EPDR1: variants seen among roughly 807,000 people sequenced by gnomAD.
The protein encoded by EPDR1 is mammalian ependymin-related protein 1.
Under a neutral mutation model 23.7 loss-of-function variants are expected in EPDR1, and 27 were observed. That is an observed-to-expected ratio of 1.14 (90% confidence interval 0.84 to 1.57). The LOEUF (loss-of-function observed/expected upper bound fraction) is 1.57. Ranked by LOEUF, EPDR1 falls within the 40% of genes most tolerant of loss-of-function variation. The probability of loss-of-function intolerance (pLI) is 0.00; values close to 1 mark genes in which losing one functional copy is unlikely to be tolerated. For synonymous variants in EPDR1, 137 were observed against 118.2 expected (o/e 1.16, Z -1.03); for missense variants, 349 against 290.4 (o/e 1.20, Z -1.47).
intron 1 of EPDR1, among the ~76,000 whole-genome samples, chr7:37,929,672 G>T (rs186828887): frequency 1.3e-5 from 2 of 151,968 alleles, no homozygotes; most frequent in African/African-American, 2.4e-5. Context: ...TATATGTTAC[G>T]TTATACCTCT....
chr7:37,926,478 CAAAAA>C (rs55920283), intron 1 of EPDR1, among the ~76,000 whole-genome samples: 24 of 120,458 alleles, frequency 2.0e-4, no homozygotes, highest in Admixed American at 3.6e-4. Flanking sequence ...TTCTTCATAG[CAAAAA>C]AAAAAAAAAA....
chr7:37,945,282 C>G (rs6953908), intron 1 of EPDR1, among the ~76,000 whole-genome samples: 42,324 of 152,074 alleles, frequency 0.28, 6,078 homozygotes, highest in African/African-American at 0.36. Flanking sequence ...AAAATTAGCT[C>G]CATTTTTGAG....
At chr7:37,934,612 T>C (rs1444573088) in intron 1 of EPDR1, among the ~76,000 whole-genome samples, 1 of 152,232 alleles carries the variant, frequency 6.6e-6, no homozygotes, top group Admixed American at 6.5e-5. Context: ...TCCATATCCA[T>C]GGATTCCACC....
chr7:37,948,976 C>T lies in EPDR1; in HGVS notation c.406C>T (p.Gln136Ter). The change falls in exon 2 of 3, where the codon CAG becomes TAG. Residue 136 changes from glutamine (Q) to a stop codon, truncating the protein, a stop_gained. Transcript: ENST00000199448. LOFTEE classifies it high-confidence loss of function. ...TCCTCAAAACTCCACCTTTGAAGAC[C>T]AGTACTCCATCGGGGGGCCTCAGGA... ...DIPQNSTFED[Q>*]YSIGGPQEQI... is the part of the protein sequence containing the mutation. 6.2e-7 allele frequency: 1 copy of T among 1,614,122 alleles called. No individual in the cohort carries two copies. The highest frequency in any genetic ancestry group is 1.1e-5 in the South Asian group (1 of 91,074).
At chr7:37,945,164 C>T in intron 1 of EPDR1, among the ~76,000 whole-genome samples, 1 of 152,174 alleles carries the variant, frequency 6.6e-6, no homozygotes, top group East Asian at 1.9e-4. Flanking sequence ...AGTGCTTAGG[C>T]TCTATTGTGT....
rs565269055 is a variant in EPDR1 at position 37,920,838 on chromosome 7, C to T, written c.-102C>T. Reference sequence around the variant, plus strand: ...AGCACTTTGGTCCAGACCACACTCCCGGCACAGTGCGGAAAGAGCCGGCGG... The same window carrying T: ...AGCACTTTGGTCCAGACCACACTCCTGGCACAGTGCGGAAAGAGCCGGCGG... On this transcript the variant is annotated 5_prime_UTR_variant, in exon 1 of 3. Coordinates refer to ENST00000199448, the MANE Select transcript of EPDR1 (RefSeq NM_017549.5). The T allele has an allele frequency of 3.9e-5, 62 of 1,610,388 alleles. No homozygotes were observed. The Middle Eastern group carries it at 6.6e-4, about 17-fold the overall frequency.
In EPDR1 at chr7:37,935,993, CATATATATATATATATATAT is replaced by C. The variant is rs752536687; in HGVS notation, c.270-12819_270-12800del. 2.5e-3 allele frequency among the ~76,000 whole-genome samples: 115 copies of C among 45,588 alleles called. 6 individuals are homozygous for C. Among genetic ancestry groups the C allele is most frequent in the African/African-American group, 6.7e-3 (94 of 14,112 alleles). The allele number at this position is 45,588 out of a possible 152,430, so 29.9% of individuals were successfully genotyped here. A position where few individuals can be genotyped will look rare whatever the true frequency, so the allele number is the denominator to read the frequency against. ...TGATTTGGGAACTAGCAAATCATGG[CATATATATATATATATATAT>C]ATATATATATATATATATATATATA... On this transcript the variant is annotated intron_variant, in intron 1 of 2. Transcript: ENST00000199448.
intron 1 of EPDR1, among the ~76,000 whole-genome samples, chr7:37,944,377 G>A (rs528764323): frequency 1.4e-3 from 216 of 152,284 alleles, no homozygotes; most frequent in African/African-American, 4.7e-3. Context: ...GAATCTCATT[G>A]TCTCCTCTCT....
intron 1 of EPDR1, among the ~76,000 whole-genome samples, chr7:37,933,160 A>G (rs530965528): frequency 4.7e-4 from 71 of 152,372 alleles, no homozygotes; most frequent in Admixed American, 7.2e-4. Context: ...CAAACTTAGT[A>G]TACGCCAGCA....
chr7:37,924,687 G>C (rs1785781778), intron 1 of EPDR1, among the ~76,000 whole-genome samples: 2 of 152,330 alleles, frequency 1.3e-5, no homozygotes, highest in African/African-American at 4.8e-5. Flanking sequence ...TTCTTGGCAA[G>C]GTTCTTTCTG....
At chr7:37,926,204 T>C (rs1199193747) in intron 1 of EPDR1, among the ~76,000 whole-genome samples, 2 of 152,214 alleles carry the variant, frequency 1.3e-5, no homozygotes, top group Non-Finnish European at 2.9e-5. Context: ...ATACATAATT[T>C]TGTTTTATTT....
chr7:37,921,247 G>A lies in EPDR1; in HGVS notation c.269+39G>A, dbSNP rs957874710. On this transcript the variant is annotated intron_variant, in intron 1 of 2. Transcript: ENST00000199448. The stretch of plus-strand genomic sequence containing the variant: ...GCCCGCGGGGCGGGAGTAGGGAGCC[G>A]CGCGGGCATGGGGAGGGCGAGGTCG... 1.6e-5 allele frequency: 25 copies of A among 1,549,272 alleles called. No homozygotes were observed. The East Asian group carries it at 5.9e-4, about 37-fold the overall frequency.
At chr7:37,930,019 C>T (rs1012580580) in intron 1 of EPDR1, among the ~76,000 whole-genome samples, 1 of 152,134 alleles carries the variant, frequency 6.6e-6, no homozygotes, top group African/African-American at 2.4e-5. Flanking sequence ...TACCCTCAGT[C>T]CCCCCAAAGA....
intron 1 of EPDR1, among the ~76,000 whole-genome samples, chr7:37,946,664 A>G (rs1019528472): frequency 7.2e-5 from 11 of 152,328 alleles, no homozygotes; most frequent in Admixed American, 3.9e-4. Context: ...TGACAGCTCC[A>G]TGCATGTTAC....
chr7:37,948,536 A>T (rs945735221), intron 1 of EPDR1, among the ~76,000 whole-genome samples: 8 of 151,932 alleles, frequency 5.3e-5, no homozygotes, highest in Admixed American at 1.3e-4. Flanking sequence ...TTCTAGAGAC[A>T]GGGGTCTCAC....
At chr7:37,921,530 T>C (rs1785705927) in intron 1 of EPDR1, 1 of 1,293,572 alleles carries the variant, frequency 7.7e-7, no homozygotes, top group Non-Finnish European at 9.8e-7. Flanking sequence ...CTCACGCTGC[T>C]GAGTCAGGCT....
chr7:37,923,708 G>A (rs1353027898), intron 1 of EPDR1, among the ~76,000 whole-genome samples: 3 of 152,030 alleles, frequency 2.0e-5, no homozygotes, highest in African/African-American at 7.3e-5. Flanking sequence ...AGACTTTAGA[G>A]TCAGACAAAT....
Position 37,948,947 on chromosome 7 carries a change from AC to A in EPDR1, c.378del (p.Asp126GlufsTer56). The A allele has an allele frequency of 6.2e-7, 1 of 1,614,186 alleles. No homozygotes were observed. The highest frequency in any genetic ancestry group is 8.5e-7 in the Non-Finnish European group (1 of 1,180,026). On this transcript the variant is annotated frameshift_variant, in exon 2 of 3. Transcript: ENST00000199448. LOFTEE classifies it high-confidence loss of function. ...CTGACACAGCCCTGGGATCCTCTTG[AC>A]ATTCCTCAAAACTCCACCTTTGAAG... ...MTLTQPWDPL[D>X]IPQNSTFEDQ... is the part of the protein sequence containing the mutation.
At chr7:37,931,144 A>AT (rs1016249467) in intron 1 of EPDR1, among the ~76,000 whole-genome samples, 6 of 151,922 alleles carry the variant, frequency 3.9e-5, no homozygotes, top group African/African-American at 1.2e-4. Flanking sequence ...TTAAATAATG[A>AT]TTTTTTTTGG....
Sources: gnomAD v4.1 joint callset for allele counts (sites outside exome capture counted in the v4.1 genomes callset) on GRCh38, gnomAD v4.1.1 for gene constraint, MANE v1.5 for transcripts, NCBI Gene and HGNC (gene_info 2026-07-23, HGNC 2026-07-21) for gene names.